RPS6KC1: variants seen among roughly 807,000 people sequenced by gnomAD.
The protein encoded by RPS6KC1 is ribosomal protein S6 kinase C1, also known as inactive ribosomal protein S6 kinase delta-1.
RPS6KC1 carries 54 observed loss-of-function variants against 103.8 expected under a neutral mutation model. The ratio of observed to expected loss-of-function variants is 0.52; its 90% CI spans 0.42 to 0.65. RPS6KC1 has a LOEUF of 0.65. RPS6KC1 is among the 30% of genes least tolerant of loss of function. The pLI, the probability that RPS6KC1 is intolerant of heterozygous loss-of-function variation, is 0.00. For synonymous variants in RPS6KC1, 439 were observed against 438.7 expected (o/e 1.00, Z -0.01); for missense variants, 1,151 against 1,253.8 (o/e 0.92, Z 1.24).
the RPS6KC1 span, among the ~76,000 whole-genome samples, chr1:213,570,817 C>T: frequency 6.6e-6 from 1 of 152,202 alleles, no homozygotes; most frequent in Non-Finnish European, 1.5e-5. Flanking sequence ...ACATTGATCC[C>T]ATCTACTCTT....
At chr1:213,072,052 G>A (rs1174817092) in intron 2 of RPS6KC1, among the ~76,000 whole-genome samples, 1 of 151,684 alleles carries the variant, frequency 6.6e-6, no homozygotes, top group Non-Finnish European at 1.5e-5. Flanking sequence ...ACTAAGACTA[G>A]AAGGACATAT....
At chr1:213,471,354 A>T in the RPS6KC1 span, among the ~76,000 whole-genome samples, 2 of 152,178 alleles carry the variant, frequency 1.3e-5, no homozygotes, top group South Asian at 4.2e-4. Context: ...TCTGAGTGTA[A>T]AAAGATTTAA....
chr1:213,674,886 A>G, the RPS6KC1 span, among the ~76,000 whole-genome samples: 1 of 151,886 alleles, frequency 6.6e-6, no homozygotes, highest in Admixed American at 6.6e-5. Flanking sequence ...TTCTCTGATG[A>G]TTTGTGATGT....
At chr1:213,086,358 C>A (rs1245527668) in intron 3 of RPS6KC1, among the ~76,000 whole-genome samples, 1 of 152,188 alleles carries the variant, frequency 6.6e-6, no homozygotes, top group Non-Finnish European at 1.5e-5. Context: ...TTCCTGCTTG[C>A]CAGTCTCAGC....
intron 8 of RPS6KC1, among the ~76,000 whole-genome samples, chr1:213,198,601 G>A (rs1016165515): frequency 2.0e-5 from 3 of 152,162 alleles, no homozygotes; most frequent in Admixed American, 2.0e-4. Flanking sequence ...GAGTAGGAGG[G>A]AGGAAGGAAG....
At chr1:213,611,871 A>T in the RPS6KC1 span, among the ~76,000 whole-genome samples, 2 of 152,156 alleles carry the variant, frequency 1.3e-5, no homozygotes, top group African/African-American at 4.8e-5. Context: ...GGTGGGAGGG[A>T]AGGTGGCCAA....
chr1:213,792,183 G>A, the RPS6KC1 span, among the ~76,000 whole-genome samples: 1 of 152,140 alleles, frequency 6.6e-6, no homozygotes, highest in African/African-American at 2.4e-5. Flanking sequence ...AGAGCCGTAT[G>A]AAGAAGGCTC....
the RPS6KC1 span, among the ~76,000 whole-genome samples, chr1:213,656,802 A>G: frequency 1.3e-4 from 20 of 152,224 alleles, no homozygotes; most frequent in Non-Finnish European, 1.9e-4. Context: ...TGGTTAGACA[A>G]TGACACAGTG....
chr1:213,124,383 C>A (rs540983302), intron 5 of RPS6KC1, among the ~76,000 whole-genome samples: 61 of 152,210 alleles, frequency 4.0e-4, no homozygotes, highest in African/African-American at 1.4e-3. Context: ...TCAGTGATTG[C>A]CCTGCCTTAT....
In RPS6KC1 at chr1:213,263,487, C is replaced by G. The variant is rs372130105; in HGVS notation, c.3090+671C>G. ...TGTTAGTACTCTGGTGTGACAGGCCCATTGCTGGGCTATCAGCAGGAACAA... is the reference window on the plus strand; with the variant it reads ...TGTTAGTACTCTGGTGTGACAGGCCGATTGCTGGGCTATCAGCAGGAACAA... On this transcript the variant is annotated intron_variant, in intron 14 of 14. Transcript: ENST00000366960. Among the ~76,000 whole-genome samples, 5 of 152,264 alleles carry G rather than the reference C, an allele frequency of 3.3e-5. No homozygotes were observed. The East Asian group carries it at 5.8e-4, about 18-fold the overall frequency.
At chr1:213,535,471 G>A in the RPS6KC1 span, among the ~76,000 whole-genome samples, 1 of 152,160 alleles carries the variant, frequency 6.6e-6, no homozygotes, top group Admixed American at 6.5e-5. Flanking sequence ...CATCATATCT[G>A]CCTGGGGCCC....
At chr1:213,247,994 G>A (rs1484971670) in intron 12 of RPS6KC1, among the ~76,000 whole-genome samples, 1 of 152,100 alleles carries the variant, frequency 6.6e-6, no homozygotes. Context: ...AACAACTTTT[G>A]TTTGGGGTGA....
At chr1:213,621,384 T>G in the RPS6KC1 span, among the ~76,000 whole-genome samples, 1 of 124,142 alleles carries the variant, frequency 8.1e-6, no homozygotes, top group Non-Finnish European at 1.6e-5. Context: ...AAGAGACAGG[T>G]ATATATAAGG....
chr1:213,219,858 G>C (rs1046335515), intron 8 of RPS6KC1, among the ~76,000 whole-genome samples: 13 of 145,642 alleles, frequency 8.9e-5, no homozygotes, highest in African/African-American at 3.0e-4. Context: ...GGCCTGTTGT[G>C]GGGTGGGGGG....
intron 6 of RPS6KC1, among the ~76,000 whole-genome samples, chr1:213,141,763 CTGT>C (rs1278087092): frequency 6.6e-6 from 1 of 151,402 alleles, no homozygotes; most frequent in Non-Finnish European, 1.5e-5. Context: ...ATGTTTAGCA[CTGT>C]TAACTTTACT....
the RPS6KC1 span, among the ~76,000 whole-genome samples, chr1:213,382,828 A>G: frequency 6.6e-6 from 1 of 152,174 alleles, no homozygotes; most frequent in African/African-American, 2.4e-5. Context: ...CGGTATCCCT[A>G]AGTGCTTGCC....
chr1:213,343,277 A>G, the RPS6KC1 span, among the ~76,000 whole-genome samples: 2 of 150,680 alleles, frequency 1.3e-5, no homozygotes, highest in Non-Finnish European at 3.0e-5. Flanking sequence ...TGAGGAAACC[A>G]AGAAATGTAA....
At chr1:213,695,952 A>T in the RPS6KC1 span, among the ~76,000 whole-genome samples, 1 of 152,216 alleles carries the variant, frequency 6.6e-6, no homozygotes, top group Non-Finnish European at 1.5e-5. Flanking sequence ...TAACTTTATA[A>T]TTTATTGTAA....
At chr1:213,498,475 G>C in the RPS6KC1 span, among the ~76,000 whole-genome samples, 1 of 152,220 alleles carries the variant, frequency 6.6e-6, no homozygotes, top group South Asian at 2.1e-4. Context: ...TTCTTTTTGA[G>C]ATGGAGTCTC....
Sources: allele counts gnomAD v4.1 joint callset (sites outside exome capture counted in the v4.1 genomes callset), GRCh38; gene constraint gnomAD v4.1.1; transcripts MANE v1.5; gene names NCBI Gene and HGNC (gene_info 2026-07-23, HGNC 2026-07-21).